The following BACH1 variants were observed in gnomAD, a reference collection of about 807,000 sequenced individuals.
BACH1 encodes BTB domain and CNC homolog 1.
Under a neutral mutation model 52.9 loss-of-function variants are expected in BACH1, and 35 were observed. The observed-to-expected ratio is 0.66, with a 90% CI of 0.51 to 0.88. BACH1 has a LOEUF of 0.88. BACH1 is among the 40% of genes least tolerant of loss of function. The pLI is 0.00. For missense variants in BACH1, 808 were observed against 872.6 expected (o/e 0.93, Z 0.93); for synonymous variants, 321 against 319.6 (o/e 1.00, Z -0.05).
At chr21:29,323,145 A>T (rs868785034) in intron 2 of BACH1, among the ~76,000 whole-genome samples, 6 of 152,246 alleles carry the variant, frequency 3.9e-5, no homozygotes, top group Non-Finnish European at 8.8e-5. Context: ...ATATTTAAAA[A>T]TTTTAATTGA....
Position 29,342,524 on chromosome 21 carries a change from A to G in BACH1, c.1902A>G (p.Gln634=). ...VCKEAALSQE[Q]IQILAKYSAA... Reference sequence around the variant, plus strand: ...AAGAAGCAGCTCTGAGTCAAGAACAAATACAGATACTCGCCAAGTACTCAG... The same window carrying G: ...AAGAAGCAGCTCTGAGTCAAGAACAGATACAGATACTCGCCAAGTACTCAG... The change falls in exon 5 of 5, where the codon CAA becomes CAG. Residue 634 remains glutamine (Q), a synonymous_variant. Coordinates refer to ENST00000286800, the MANE Select transcript of BACH1 (RefSeq NM_001186.4). 1 of 1,614,214 alleles carries G rather than the reference A, an allele frequency of 6.2e-7. No homozygotes were observed. Among genetic ancestry groups the G allele is most frequent in the Non-Finnish European group, 8.5e-7 (1 of 1,180,038 alleles).
downstream of BACH1, among the ~76,000 whole-genome samples, chr21:29,349,093 CAAAA>C (rs35556925): frequency 8.2e-6 from 1 of 122,386 alleles, no homozygotes; most frequent in Non-Finnish European, 1.7e-5. Context: ...GACTCCGTCT[CAAAA>C]AAAAAAAAAA....
intron 1 of BACH1, among the ~76,000 whole-genome samples, chr21:29,307,359 A>G (rs984952401): frequency 1.8e-4 from 28 of 152,206 alleles, no homozygotes; most frequent in Non-Finnish European, 7.3e-5. Context: ...TGTACATTGT[A>G]GAAAGATTAA....
intron 2 of BACH1, among the ~76,000 whole-genome samples, chr21:29,358,806 G>GAAAGAAAGAAAA (rs1292241824): frequency 7.7e-6 from 1 of 130,568 alleles, no homozygotes; most frequent in African/African-American, 2.6e-5. Flanking sequence ...AAGAAAGAAA[G>GAAAGAAAGAAAA]AAAGAAAGAA....
chr21:29,325,235 A>C (rs1312286544), intron 2 of BACH1, among the ~76,000 whole-genome samples: 1 of 152,184 alleles, frequency 6.6e-6, no homozygotes, highest in Non-Finnish European at 1.5e-5. Context: ...GTCTTAGAAA[A>C]AAAAAAATCA....
Position 29,342,950 on chromosome 21 carries a change from AC to A in BACH1, c.*119del. The stretch of plus-strand genomic sequence containing the variant: ...TACTGTTTTTTTCCTTTAGTAGTTT[AC>A]CATAAGGGAATTTCCTTTAAGTCAA... On this transcript the variant is annotated 3_prime_UTR_variant, in exon 5 of 5. Coordinates refer to ENST00000286800, the MANE Select transcript of BACH1 (RefSeq NM_001186.4). The A allele has an allele frequency of 9.6e-7, 1 of 1,037,514 alleles. No homozygotes were observed. Among genetic ancestry groups the A allele is most frequent in the Non-Finnish European group, 1.3e-6 (1 of 748,964 alleles). 64.3% of individuals were successfully genotyped at this position (1,037,514 alleles called of 1,614,324 possible).
intron 1 of BACH1, among the ~76,000 whole-genome samples, chr21:29,306,027 A>G (rs1279673946): frequency 6.6e-6 from 1 of 152,236 alleles, no homozygotes; most frequent in Non-Finnish European, 1.5e-5. Context: ...GTTTTGGGAA[A>G]TCAAGAAAGC....
chr21:29,312,228 C>G (rs1307208186), intron 1 of BACH1, among the ~76,000 whole-genome samples: 2 of 152,076 alleles, frequency 1.3e-5, no homozygotes, highest in Non-Finnish European at 2.9e-5. Context: ...AATTTTCATT[C>G]TTTGCTTTTT....
chr21:29,312,066 T>G (rs536319697), intron 1 of BACH1, among the ~76,000 whole-genome samples: 60 of 152,352 alleles, frequency 3.9e-4, no homozygotes, highest in African/African-American at 1.4e-3. Context: ...GAGAAGTCTT[T>G]ATGTCCTTAC....
intron 2 of BACH1, among the ~76,000 whole-genome samples, chr21:29,360,155 C>T (rs2089262630): frequency 6.6e-6 from 1 of 152,162 alleles, no homozygotes; most frequent in Non-Finnish European, 1.5e-5. Flanking sequence ...ATTGAGGTCT[C>T]ATCAATGTAT....
At position 29,343,910 on chromosome 21, in the gene BACH1, A is replaced by G. The variant is rs1003535211; in HGVS notation, c.*1077A>G. On this transcript the variant is annotated 3_prime_UTR_variant, in exon 5 of 5. Transcript: ENST00000286800. ...TCTGCAGGTTTGTGAAATAGGATGA[A>G]ACTCAATCTTTTTCTATTGTGGGTT... is the stretch of plus-strand genomic sequence containing the variant. 3 of 152,236 alleles carry G rather than the reference A, an allele frequency of 2.0e-5. No individual in the cohort carries two copies. Among genetic ancestry groups the G allele is most frequent in the African/African-American group, 7.2e-5 (3 of 41,452 alleles). 9.4% of individuals were successfully genotyped at this position (152,236 alleles called of 1,614,324 possible).
At chr21:29,338,511 A>T (rs2089071888) in intron 4 of BACH1, among the ~76,000 whole-genome samples, 1 of 152,090 alleles carries the variant, frequency 6.6e-6, no homozygotes, top group African/African-American at 2.4e-5. Flanking sequence ...AGTAGCCAGG[A>T]CTACAGGTGC....
intron 1 of BACH1, among the ~76,000 whole-genome samples, chr21:29,316,454 C>T (rs1471812025): frequency 6.6e-6 from 1 of 152,054 alleles, no homozygotes; most frequent in Non-Finnish European, 1.5e-5. Context: ...AGTATTATTT[C>T]TAAGAATATA....
chr21:29,355,793 G>T (rs2123492375), intron 2 of BACH1, among the ~76,000 whole-genome samples: 1 of 152,334 alleles, frequency 6.6e-6, no homozygotes, highest in East Asian at 1.9e-4. Flanking sequence ...CTAGAAAGGG[G>T]AGAAGCCATG....
rs544715430 is a variant in BACH1 at position 29,304,524 on chromosome 21, C to T, written c.-61+5571C>T. On this transcript the variant is annotated intron_variant, in intron 1 of 4. Coordinates refer to ENST00000286800, the MANE Select transcript of BACH1 (RefSeq NM_001186.4). The stretch of plus-strand genomic sequence containing the variant: ...GTCAGTGGACAGTTGCACTCTACTT[C>T]CCCATCCCTCATTAAAGTGGAATTA... Among the ~76,000 whole-genome samples the T allele has an allele frequency of 1.9e-4, 29 of 152,240 alleles. 1 individual carries two copies. The South Asian group carries it at 5.6e-3, about 29-fold the overall frequency.
At chr21:29,312,531 C>G (rs1309701648) in intron 1 of BACH1, among the ~76,000 whole-genome samples, 1 of 152,162 alleles carries the variant, frequency 6.6e-6, no homozygotes, top group African/African-American at 2.4e-5. Flanking sequence ...ATGGAATCCA[C>G]AAACAGCTAT....
intron 1 of BACH1, among the ~76,000 whole-genome samples, chr21:29,304,227 G>A (rs2088631204): frequency 6.6e-6 from 1 of 151,138 alleles, no homozygotes; most frequent in Non-Finnish European, 1.5e-5. Flanking sequence ...TTGGGTTCAA[G>A]CAATTCTTCT....
intron 2 of BACH1, among the ~76,000 whole-genome samples, chr21:29,324,080 C>T (rs2088879996): frequency 6.6e-6 from 1 of 152,038 alleles, no homozygotes; most frequent in South Asian, 2.1e-4. Context: ...GGTGAAACCA[C>T]ATCTCTACTA....
At chr21:29,338,968 T>C (rs548986696) in intron 4 of BACH1, among the ~76,000 whole-genome samples, 13 of 152,324 alleles carry the variant, frequency 8.5e-5, no homozygotes, top group Non-Finnish European at 1.3e-4. Context: ...ATAGGAAATA[T>C]TTTTTCTTAG....
Sources: allele counts gnomAD v4.1 joint callset (sites outside exome capture counted in the v4.1 genomes callset), GRCh38; gene constraint gnomAD v4.1.1; transcripts MANE v1.5; gene names NCBI Gene and HGNC (gene_info 2026-07-23, HGNC 2026-07-21).